The following PCMT1 variants were observed in gnomAD, a reference collection of about 807,000 sequenced individuals.
The protein encoded by PCMT1 is protein-L-isoaspartate(D-aspartate) O-methyltransferase.
Under a neutral mutation model 29.2 loss-of-function variants are expected in PCMT1, and 9 were observed. The ratio of observed to expected loss-of-function variants is 0.31; its 90% CI spans 0.19 to 0.54. The LOEUF is 0.54. Among genes scored for constraint, PCMT1 ranks in the 20% least tolerant of loss-of-function variants. The pLI, the probability that PCMT1 is intolerant of heterozygous loss-of-function variation, is 0.95. For missense variants in PCMT1, 184 were observed against 282.2 expected, an observed-to-expected ratio of 0.65 and a Z score of 2.49; for synonymous variants, 98 against 97.5, an observed-to-expected ratio of 1.00 and a Z score of -0.03.
At chr6:149,787,841 G>GTA (rs1458790172) in intron 3 of PCMT1, among the ~76,000 whole-genome samples, 1 of 151,768 alleles carries the variant, frequency 6.6e-6, no homozygotes, top group Non-Finnish European at 1.5e-5. Context: ...GTGTGTGTGT[G>GTA]TGTATGTGTG....
Position 149,771,168 on chromosome 6 carries a change from G to T in PCMT1, c.62G>T (p.Gly21Val). 1 of 1,596,928 alleles carries T rather than the reference G, an allele frequency of 6.3e-7. No individual in the cohort carries two copies. Among genetic ancestry groups the T allele is most frequent in the South Asian group, 1.1e-5 (1 of 89,038 alleles). ...TTTGCCTCACTTGTTTCAGAAAATG[G>T]AATCATCAAGACAGATAAAGTATTT... ...SELIHNLRKN[G>V]IIKTDKVFEV... Residue 21 changes from glycine to valine, a missense_variant, in exon 2 of 8, where the codon GGA (glycine) becomes GTA (valine). Gly to Val is a moderately radical substitution (Grantham distance 109). Coordinates refer to ENST00000464889, the MANE Select transcript of PCMT1 (RefSeq NM_001360452.2).
At chr6:149,805,448 G>C (rs1277149348) in intron 7 of PCMT1, among the ~76,000 whole-genome samples, 4 of 150,794 alleles carry the variant, frequency 2.7e-5, no homozygotes, top group Non-Finnish European at 5.9e-5. Context: ...AAAAAAATTA[G>C]CCGGGCGTGG....
At chr6:149,794,999 C>T (rs1359437486) in intron 5 of PCMT1, 2 of 370,764 alleles carry the variant, frequency 5.4e-6, no homozygotes, top group East Asian at 8.1e-5. Context: ...TCGAGACCAG[C>T]CTGGCCAACA....
Position 149,792,499 on chromosome 6 carries a change from T to G in PCMT1, c.298-1050T>G, listed in dbSNP as rs1456091471. 2.6e-5 allele frequency among the ~76,000 whole-genome samples: 4 copies of G among 152,086 alleles called. No homozygotes were observed. The East Asian group carries it at 7.7e-4, about 29-fold the overall frequency. On this transcript the variant is annotated intron_variant, in intron 4 of 7. Coordinates refer to ENST00000464889, the MANE Select transcript of PCMT1 (RefSeq NM_001360452.2). Reference sequence around the variant, plus strand: ...TACAAATAAATATGCAAAGAAGGGATTTTTGTTGTTGTTGCTTTTTGTTTG... The same window carrying G: ...TACAAATAAATATGCAAAGAAGGGAGTTTTGTTGTTGTTGCTTTTTGTTTG...
chr6:149,785,242 A>G (rs1787974691), intron 3 of PCMT1, among the ~76,000 whole-genome samples: 1 of 99,344 alleles, frequency 1.0e-5, no homozygotes, highest in South Asian at 3.0e-4. Flanking sequence ...GAGGTCCATA[A>G]TGTCTGGTCA....
In PCMT1 at chr6:149,749,753, G is replaced by GCGGCGGCGA; in HGVS notation, c.-144_-136dup. ...ATGCCGGGAGCGCGCAGTGGCGGCA[G>GCGGCGGCGA]CGGCGGCGACGGCAGTAACAGCGGC... On this transcript the variant is annotated 5_prime_UTR_variant, in exon 1 of 8. Transcript: ENST00000464889. 1 of 1,546,294 alleles carries GCGGCGGCGA rather than the reference G, an allele frequency of 6.5e-7. No homozygotes were observed. The highest frequency in any genetic ancestry group is 8.7e-7 in the Non-Finnish European group (1 of 1,144,812).
At chr6:149,761,506 A>G (rs1342464992) in intron 1 of PCMT1, among the ~76,000 whole-genome samples, 1 of 151,794 alleles carries the variant, frequency 6.6e-6, no homozygotes, top group Non-Finnish European at 1.5e-5. Flanking sequence ...GCTTAAACTG[A>G]TGTTTCATGT....
intron 3 of PCMT1, among the ~76,000 whole-genome samples, chr6:149,777,409 C>T (rs530682192): frequency 6.6e-6 from 1 of 152,144 alleles, no homozygotes; most frequent in Non-Finnish European, 1.5e-5. Context: ...TATGTTGAAC[C>T]ACTGTTAAGT....
chr6:149,752,036 G>GTTTTT (rs60405304), intron 1 of PCMT1, among the ~76,000 whole-genome samples: 16,453 of 122,438 alleles, frequency 0.13, 1,626 homozygotes, highest in Non-Finnish European at 0.19. Flanking sequence ...AATTTTTAGG[G>GTTTTT]TTTTTTTTTT....
At chr6:149,795,466 G>A in intron 5 of PCMT1, 1 of 398,488 alleles carries the variant, frequency 2.5e-6, no homozygotes, top group Non-Finnish European at 4.8e-6. Context: ...CACCAATAGT[G>A]AGTAACACTA....
chr6:149,786,010 G>A (rs1354389993), intron 3 of PCMT1, among the ~76,000 whole-genome samples: 13 of 148,560 alleles, frequency 8.8e-5, no homozygotes, highest in African/African-American at 2.5e-4. Flanking sequence ...CTCACCTCCC[G>A]GACGGGGCGG....
intron 3 of PCMT1, among the ~76,000 whole-genome samples, chr6:149,787,977 G>T (rs1307927547): frequency 2.0e-5 from 3 of 151,944 alleles, no homozygotes; most frequent in African/African-American, 7.3e-5. Context: ...TGGTGCAGTG[G>T]CACGTTCTCA....
In PCMT1 at chr6:149,780,220, G is replaced by A. The variant is rs143707369; in HGVS notation, c.192+7051G>A. 1.5e-3 allele frequency among the ~76,000 whole-genome samples: 227 copies of A among 151,972 alleles called. 2 individuals are homozygous for A. The highest frequency in any genetic ancestry group is 5.2e-3 in the African/African-American group (216 of 41,464). On this transcript the variant is annotated intron_variant, in intron 3 of 7. Coordinates refer to ENST00000464889, the MANE Select transcript of PCMT1 (RefSeq NM_001360452.2). The stretch of plus-strand genomic sequence containing the variant: ...GCTGGGCGTGATAGTACGTGCCTGT[G>A]GTCCCAGCTATTCTGCAGACTGAGG...
intron 7 of PCMT1, among the ~76,000 whole-genome samples, chr6:149,810,345 C>T (rs148665318): frequency 8.5e-4 from 129 of 152,268 alleles, no homozygotes; most frequent in Non-Finnish European, 1.7e-3. Flanking sequence ...TGAATTTTGA[C>T]ATTGAAGGAA....
rs1169087577 is a variant in PCMT1, at chr6:149,796,476, T to C, written c.480T>C (p.Ala160=). The C allele has an allele frequency of 1.2e-6, 2 of 1,613,728 alleles. No individual in the cohort carries two copies. The highest frequency in any genetic ancestry group is 2.2e-5 in the South Asian group (2 of 91,018). Residue 160 remains alanine, a synonymous_variant, in exon 6 of 8, where the codon GCT becomes GCC. Coordinates refer to ENST00000464889, the MANE Select transcript of PCMT1 (RefSeq NM_001360452.2). ...CTTATGATGCCATTCATGTGGGAGC[T>C]GCAGCCCCTGTTGTACCCCAGGCGG... ...EAPYDAIHVG[A]AAPVVPQALI...
chr6:149,762,048 A>G (rs1001617660), intron 1 of PCMT1, among the ~76,000 whole-genome samples: 1 of 151,834 alleles, frequency 6.6e-6, no homozygotes, highest in African/African-American at 2.4e-5. Flanking sequence ...ATCTTGCTAC[A>G]TTTTAGTTTT....
chr6:149,810,734 C>A lies in PCMT1; in HGVS notation c.*156C>A, dbSNP rs1562431029. 2.4e-6 allele frequency: 2 copies of A among 833,770 alleles called. No individual in the cohort carries two copies. Among genetic ancestry groups the A allele is most frequent in the Non-Finnish European group, 3.8e-6 (2 of 521,026 alleles). The allele number at this position is 833,770 out of a possible 1,614,324, so 51.6% of individuals were successfully genotyped here. ...TCACAGCTTGTTTTGGACTTTGTTA[C>A]ACTGTTATTTTCAGCATGAAAATGT... On this transcript the variant is annotated 3_prime_UTR_variant, in exon 8 of 8. Coordinates refer to ENST00000464889, the MANE Select transcript of PCMT1 (RefSeq NM_001360452.2).
intron 1 of PCMT1, among the ~76,000 whole-genome samples, chr6:149,770,711 A>G (rs1787279656): frequency 6.7e-6 from 1 of 149,916 alleles, no homozygotes; most frequent in Non-Finnish European, 1.5e-5. Flanking sequence ...ATCTCAAAAA[A>G]AAAAAAAAAA....
chr6:149,765,699 G>A (rs774737947), intron 1 of PCMT1: 1 of 355,086 alleles, frequency 2.8e-6, no homozygotes, highest in South Asian at 2.1e-5. Flanking sequence ...AGGCATGATG[G>A]CTCATACCTG....
Sources: gnomAD v4.1 joint callset for allele counts (sites outside exome capture counted in the v4.1 genomes callset) on GRCh38, gnomAD v4.1.1 for gene constraint, MANE v1.5 for transcripts, NCBI Gene and HGNC (gene_info 2026-07-23, HGNC 2026-07-21) for gene names.